Variants in RABEPK observed in about 807,000 individuals in gnomAD.
RABEPK encodes Rab9 effector protein with kelch motifs.
A neutral mutation model predicts 34.1 loss-of-function variants in RABEPK; 27 were observed. That is an observed-to-expected ratio of 0.79 (90% CI 0.58 to 1.09). RABEPK has a LOEUF of 1.09. Among genes scored for constraint, RABEPK ranks in the 50% least tolerant of loss-of-function variants. The pLI, the probability that RABEPK is intolerant of heterozygous loss-of-function variation, is 0.00. For missense variants in RABEPK, 449 were observed against 462.6 expected (o/e 0.97, Z 0.27); for synonymous variants, 172 against 169.2 (o/e 1.02, Z -0.13).
intron 3 of RABEPK, among the ~76,000 whole-genome samples, chr9:125,210,151 C>T (rs1188535414): frequency 6.6e-6 from 1 of 152,230 alleles, no homozygotes; most frequent in Non-Finnish European, 1.5e-5. Context: ...CGCCTCTAAT[C>T]CCAGCACTTT....
intron 7 of RABEPK, 144 bp from the exon 8 acceptor site, chr9:125,233,544 G>C (rs565919251): frequency 1.0e-5 from 8 of 802,440 alleles, no homozygotes; most frequent in African/African-American, 8.7e-5. Context: ...GGGTTTCACC[G>C]TGTTAGCCAG....
At chr9:125,231,247 T>C (rs1367528331) in intron 6 of RABEPK, among the ~76,000 whole-genome samples, 2 of 151,856 alleles carry the variant, frequency 1.3e-5, no homozygotes, top group African/African-American at 4.8e-5. Flanking sequence ...TGAGCTGAGA[T>C]CGCGCCACTG....
rs769947635 is a variant in RABEPK, at chr9:125,220,594, A to T, written c.420A>T (p.Thr140=). Residue 140 remains threonine (T), a synonymous_variant, in exon 5 of 8, where the codon ACA becomes ACT. Transcript: ENST00000373538. ...CCAGCCCCCCACCATCCCCAAGAACATTCCACACATCATCGGCAGCCATTG... is the reference window on the plus strand; with the variant it reads ...CCAGCCCCCCACCATCCCCAAGAACTTTCCACACATCATCGGCAGCCATTG... ...EVTSPPPSPR[T]FHTSSAAIGN... The T allele has an allele frequency of 6.2e-7, 1 of 1,614,190 alleles. No homozygotes were observed.
intron 2 of RABEPK, among the ~76,000 whole-genome samples, chr9:125,206,118 G>A (rs1830208877): frequency 6.6e-6 from 1 of 152,042 alleles, no homozygotes; most frequent in African/African-American, 2.4e-5. Flanking sequence ...CACCAGAGAG[G>A]TCAAATAAGA....
rs773572092 is a variant in RABEPK at position 125,207,687 on chromosome 9, CAG to C, written c.179_180del (p.Arg60LysfsTer28). ...VFIVGGANPN[R>X]SFSDVHTMDL... ...TCATTGTTGGGGGAGCAAATCCAAA[CAG>C]AAGCTTCTCAGACGTGCACACCATG... On this transcript the variant is annotated frameshift_variant, in exon 3 of 8. Transcript: ENST00000373538. LOFTEE classifies it high-confidence loss of function. 13 of 1,614,052 alleles carry C rather than the reference CAG, an allele frequency of 8.1e-6. No individual in the cohort carries two copies. The highest frequency in any genetic ancestry group is 1.7e-5 in the Admixed American group (1 of 59,982).
chr9:125,212,730 A>C (rs536368130), intron 3 of RABEPK, among the ~76,000 whole-genome samples: 1 of 150,118 alleles, frequency 6.7e-6, no homozygotes, highest in East Asian at 2.0e-4. Flanking sequence ...GCTTGCTGCA[A>C]CCTCCGCTTG....
rs1366445312 is a variant in RABEPK at position 125,200,860 on chromosome 9, A to T, written c.-53A>T. ...GTCCCGCCCACGTGAAGCCAGCCTA[A>T]CTGAGCTCTGGACTTTGGGGACAGC... is the stretch of plus-strand genomic sequence containing the variant. On this transcript the variant is annotated 5_prime_UTR_variant, in exon 1 of 8. The change abolishes the stop of an existing upstream ORF in the 5' untranslated region. Coordinates refer to ENST00000373538, the MANE Select transcript of RABEPK (RefSeq NM_005833.4). 4 of 471,206 alleles carry T rather than the reference A, an allele frequency of 8.5e-6. 1 individual carries two copies. Among genetic ancestry groups the T allele is most frequent in the South Asian group, 6.2e-5 (4 of 64,574 alleles). 29.2% of individuals were successfully genotyped at this position (471,206 alleles called of 1,614,324 possible). A position where few individuals can be genotyped will look rare whatever the true frequency, so the allele number is the denominator to read the frequency against.
intron 3 of RABEPK, among the ~76,000 whole-genome samples, chr9:125,208,347 G>A (rs1206096102): frequency 2.0e-5 from 3 of 151,976 alleles, no homozygotes; most frequent in Non-Finnish European, 4.4e-5. Flanking sequence ...ATATCACTAA[G>A]CCCTACATAT....
rs1384633290 is a variant in RABEPK at position 125,200,856 on chromosome 9, C to T, written c.-57C>T. 2.1e-6 allele frequency: 1 copy of T among 471,080 alleles called. No homozygotes were observed. Among genetic ancestry groups the T allele is most frequent in the African/African-American group, 2.0e-5 (1 of 50,106 alleles). The allele number at this position is 471,080 out of a possible 1,614,324, so 29.2% of individuals were successfully genotyped here. A position where few individuals can be genotyped will look rare whatever the true frequency, so the allele number is the denominator to read the frequency against. On this transcript the variant is annotated 5_prime_UTR_variant, in exon 1 of 8. Transcript: ENST00000373538. ...GGAGGTCCCGCCCACGTGAAGCCAG[C>T]CTAACTGAGCTCTGGACTTTGGGGA...
Position 125,232,686 on chromosome 9 carries a change from A to G in RABEPK, c.767A>G (p.Tyr256Cys). 1 of 1,614,166 alleles carries G rather than the reference A, an allele frequency of 6.2e-7. No individual in the cohort carries two copies. Among genetic ancestry groups the G allele is most frequent in the Non-Finnish European group, 8.5e-7 (1 of 1,180,002 alleles). ...HSAVAMGKHV[Y>C]IFGGMTPAGA... is the part of the protein sequence containing the mutation. ...GCTGTGGCCATGGGAAAACATGTGT[A>G]CATCTTTGGTGGAATGACTCCTGCA... Residue 256 changes from tyrosine (Y) to cysteine (C), a missense_variant, in exon 7 of 8, where the codon TAC becomes TGC. By Grantham distance (194) the Tyr-to-Cys change is radical. Coordinates refer to ENST00000373538, the MANE Select transcript of RABEPK (RefSeq NM_005833.4).
At position 125,233,724 on chromosome 9, in the gene RABEPK, T is replaced by G; in HGVS notation, c.863T>G (p.Leu288Arg). The G allele has an allele frequency of 6.2e-7, 1 of 1,614,148 alleles. No individual in the cohort carries two copies. Among genetic ancestry groups the G allele is most frequent in the Non-Finnish European group, 8.5e-7 (1 of 1,180,012 alleles). ...QHWTLLKFDT[L>R]LPPGRLDHSM... is the part of the protein sequence containing the mutation. The stretch of plus-strand genomic sequence containing the variant: ...TGGACCTTGCTTAAATTTGATACTC[T>G]TCTACCCCCTGGACGATTGGACCAT... The change falls in exon 8 of 8, where the codon CTT (leucine) becomes CGT (arginine). Residue 288 changes from leucine to arginine, a missense_variant. Coordinates refer to ENST00000373538, the MANE Select transcript of RABEPK (RefSeq NM_005833.4).
At chr9:125,209,408 G>A (rs1395368537) in intron 3 of RABEPK, among the ~76,000 whole-genome samples, 3 of 150,926 alleles carry the variant, frequency 2.0e-5, no homozygotes, top group African/African-American at 7.3e-5. Context: ...GGAGTGCAGT[G>A]GCACAATCTT....
chr9:125,223,282 A>AT (rs1831485454), intron 5 of RABEPK, among the ~76,000 whole-genome samples: 1 of 151,840 alleles, frequency 6.6e-6, no homozygotes, highest in African/African-American at 2.4e-5. Context: ...TACTAAAAAT[A>AT]CAAAAAATTA....
At chr9:125,212,008 A>G (rs184373251) in intron 3 of RABEPK, among the ~76,000 whole-genome samples, 5 of 152,256 alleles carry the variant, frequency 3.3e-5, no homozygotes, top group African/African-American at 4.8e-5. Flanking sequence ...AATCACTTCT[A>G]GCCCTCAATT....
intron 6 of RABEPK, among the ~76,000 whole-genome samples, chr9:125,230,487 C>T (rs954323833): frequency 6.6e-6 from 1 of 151,990 alleles, no homozygotes; most frequent in East Asian, 1.9e-4. Context: ...GTGATTCTCC[C>T]TTCTTACTCT....
At chr9:125,227,881 A>G (rs755143009) in intron 5 of RABEPK, 29 bp from the exon 6 acceptor site, 4 of 1,507,730 alleles carry the variant, frequency 2.7e-6, no homozygotes, top group African/African-American at 1.4e-5. Context: ...TAGTTTTGCC[A>G]TTTGATGTTA....
At chr9:125,203,535 G>T (rs987197699) in intron 2 of RABEPK, among the ~76,000 whole-genome samples, 3 of 152,178 alleles carry the variant, frequency 2.0e-5, no homozygotes, top group African/African-American at 4.8e-5. Context: ...AGACTAAGCA[G>T]GTGATGGTGA....
intron 3 of RABEPK, among the ~76,000 whole-genome samples, chr9:125,210,706 CAAAAAA>C (rs35140834): frequency 1.2e-5 from 1 of 83,260 alleles, no homozygotes; most frequent in Non-Finnish European, 2.3e-5. Context: ...GACTCCGTCT[CAAAAAA>C]AAAAAAAAAA....
chr9:125,222,791 A>G lies in RABEPK; in HGVS notation c.526+2091A>G, dbSNP rs1271950127. On this transcript the variant is annotated intron_variant, in intron 5 of 7. Transcript: ENST00000373538. The stretch of plus-strand genomic sequence containing the variant: ...TGCATCCTATATTTTTCACTTAAGC[A>G]TTGTTCCATGCAATCAGAAAGTCTT... Among the ~76,000 whole-genome samples the G allele has an allele frequency of 3.3e-5, 5 of 151,720 alleles. No homozygotes were observed. In the Admixed American group the frequency reaches 3.3e-4, roughly 10 times the overall value.
Sources: gnomAD v4.1 joint callset for allele counts (sites outside exome capture counted in the v4.1 genomes callset) on GRCh38, gnomAD v4.1.1 for gene constraint, MANE v1.5 for transcripts, NCBI Gene and HGNC (gene_info 2026-07-23, HGNC 2026-07-21) for gene names.